Variants in FNDC3B observed in about 807,000 individuals in gnomAD.
The protein encoded by FNDC3B is fibronectin type III domain containing 3B.
A neutral mutation model predicts 151.5 loss-of-function variants in FNDC3B; 12 were observed. That is an observed-to-expected ratio of 0.08 (90% CI 0.05 to 0.13). The LOEUF (loss-of-function observed/expected upper bound fraction) is 0.13, where lower values mean the gene tolerates loss of function less well. Ranked by LOEUF, FNDC3B falls within the 10% of genes least tolerant of loss-of-function variation. The pLI is 1.00. For synonymous variants in FNDC3B, 528 were observed against 549.0 expected (o/e 0.96, Z 0.54); for missense variants, 1,214 against 1,505.3 (o/e 0.81, Z 3.20).
chr3:172,186,615 C>G (rs968538882), intron 3 of FNDC3B: 1 of 664,098 alleles, frequency 1.5e-6, no homozygotes, highest in Middle Eastern at 2.7e-4. Flanking sequence ...AAATCCTATA[C>G]CAGCATTTTA....
At chr3:172,194,618 G>A (rs188381489) in intron 3 of FNDC3B, among the ~76,000 whole-genome samples, 5 of 152,156 alleles carry the variant, frequency 3.3e-5, no homozygotes, top group African/African-American at 1.2e-4. Context: ...CATATACATA[G>A]CTTCACATTA....
chr3:172,296,777 C>G (rs188271732), intron 8 of FNDC3B, among the ~76,000 whole-genome samples: 13 of 152,194 alleles, frequency 8.5e-5, no homozygotes, highest in African/African-American at 2.9e-4. Context: ...TGCACGGACC[C>G]ACTTATGCAC....
chr3:172,091,473 A>G (rs1718821221), intron 1 of FNDC3B, among the ~76,000 whole-genome samples: 1 of 152,232 alleles, frequency 6.6e-6, no homozygotes, highest in Non-Finnish European at 1.5e-5. Flanking sequence ...ATTAGAAATT[A>G]CAGAAGTCAG....
At chr3:172,392,415 A>G (rs1264611963) in intron 25 of FNDC3B, among the ~76,000 whole-genome samples, 1 of 152,246 alleles carries the variant, frequency 6.6e-6, no homozygotes, top group African/African-American at 2.4e-5. Flanking sequence ...AAGCAAAAAT[A>G]TAATAAGATG....
At chr3:172,389,719 A>G (rs1320631836) in intron 25 of FNDC3B, among the ~76,000 whole-genome samples, 1 of 152,060 alleles carries the variant, frequency 6.6e-6, no homozygotes, top group East Asian at 1.9e-4. Flanking sequence ...CAAAAAAAAT[A>G]GCTGGGCGTA....
At chr3:172,112,940 G>A (rs1217689895) in intron 2 of FNDC3B, among the ~76,000 whole-genome samples, 1 of 152,188 alleles carries the variant, frequency 6.6e-6, no homozygotes, top group Non-Finnish European at 1.5e-5. Flanking sequence ...AGAGGGTCAG[G>A]TTTTGGCTTC....
chr3:172,139,425 G>A (rs1721513679), intron 3 of FNDC3B, among the ~76,000 whole-genome samples: 1 of 152,164 alleles, frequency 6.6e-6, no homozygotes, highest in South Asian at 2.1e-4. Context: ...GCATATAAAT[G>A]AGAAATTCCT....
At chr3:172,156,007 G>C (rs1722463815) in intron 3 of FNDC3B, among the ~76,000 whole-genome samples, 1 of 152,144 alleles carries the variant, frequency 6.6e-6, no homozygotes, top group African/African-American at 2.4e-5. Flanking sequence ...ATTGCCCAGA[G>C]ACTCTTTTTC....
At chr3:172,184,890 C>T (rs1724091989) in intron 3 of FNDC3B, among the ~76,000 whole-genome samples, 1 of 152,066 alleles carries the variant, frequency 6.6e-6, no homozygotes, top group African/African-American at 2.4e-5. Flanking sequence ...GAGGTCTTTT[C>T]TTGTATCCCT....
chr3:172,137,987 G>T (rs1460557346), intron 3 of FNDC3B, among the ~76,000 whole-genome samples: 1 of 152,198 alleles, frequency 6.6e-6, no homozygotes, highest in Non-Finnish European at 1.5e-5. Flanking sequence ...GCACACTTGG[G>T]TCTCTCCCAT....
At chr3:172,061,498 C>A (rs536950411) in intron 1 of FNDC3B, among the ~76,000 whole-genome samples, 73 of 152,238 alleles carry the variant, frequency 4.8e-4, no homozygotes, top group Admixed American at 3.7e-3. Context: ...TCCCAAAGTG[C>A]TGGGATTACA....
chr3:172,277,460 C>T (rs1729490480), intron 6 of FNDC3B, among the ~76,000 whole-genome samples: 1 of 152,130 alleles, frequency 6.6e-6, no homozygotes, highest in African/African-American at 2.4e-5. Flanking sequence ...ATAAGGACAT[C>T]AGTCCCATCT....
At chr3:172,134,853 G>A (rs1383587384) in intron 3 of FNDC3B, among the ~76,000 whole-genome samples, 1 of 151,860 alleles carries the variant, frequency 6.6e-6, no homozygotes, top group African/African-American at 2.4e-5. Context: ...GCACAATATG[G>A]GGAAACTTCA....
chr3:172,126,444 T>C (rs1720813917), intron 2 of FNDC3B, among the ~76,000 whole-genome samples: 1 of 152,134 alleles, frequency 6.6e-6, no homozygotes, highest in African/African-American at 2.4e-5. Flanking sequence ...ACCAAGAATC[T>C]AAGTGTGCCT....
intron 14 of FNDC3B, among the ~76,000 whole-genome samples, chr3:172,334,729 A>G (rs1732863146): frequency 6.6e-6 from 1 of 152,254 alleles, no homozygotes. Context: ...GGCGTGAGCC[A>G]CTGTGCTGGC....
intron 24 of FNDC3B, among the ~76,000 whole-genome samples, chr3:172,379,947 T>A (rs1735354441): frequency 6.6e-6 from 1 of 152,206 alleles, no homozygotes; most frequent in African/African-American, 2.4e-5. Flanking sequence ...CCTCTCACTC[T>A]TAGACTCAGG....
chr3:172,146,894 C>T (rs1398646323), intron 3 of FNDC3B, among the ~76,000 whole-genome samples: 1 of 152,182 alleles, frequency 6.6e-6, no homozygotes, highest in African/African-American at 2.4e-5. Flanking sequence ...TTTATACTTA[C>T]TTAGATGTAA....
At chr3:172,108,941 C>T (rs1028633222) in intron 1 of FNDC3B, among the ~76,000 whole-genome samples, 1 of 152,158 alleles carries the variant, frequency 6.6e-6, no homozygotes, top group Non-Finnish European at 1.5e-5. Context: ...AGTAGTTGGG[C>T]AGTTCCTTGC....
At chr3:172,319,040 C>T (rs1230081961) in intron 11 of FNDC3B, among the ~76,000 whole-genome samples, 1 of 152,238 alleles carries the variant, frequency 6.6e-6, no homozygotes, top group Admixed American at 6.5e-5. Context: ...TCTCTGCCTT[C>T]TCTCTTTTAC....
Sources: allele counts gnomAD v4.1 joint callset (sites outside exome capture counted in the v4.1 genomes callset), GRCh38; gene constraint gnomAD v4.1.1; transcripts MANE v1.5; gene names NCBI Gene and HGNC (gene_info 2026-07-23, HGNC 2026-07-21).